The following RGSL1 variants were observed in gnomAD, a reference collection of about 807,000 sequenced individuals.
RGSL1 encodes regulator of G protein signaling like 1.
In RGSL1, 97 loss-of-function variants were observed where a neutral mutation model predicts 124.7. The observed-to-expected ratio is 0.78, with a 90% CI of 0.66 to 0.92. The LOEUF (loss-of-function observed/expected upper bound fraction) is 0.92, where lower values mean the gene tolerates loss of function less well. RGSL1 is among the 40% of genes least tolerant of loss of function. The pLI is 0.00. For synonymous variants in RGSL1, 424 were observed against 438.1 expected, an observed-to-expected ratio of 0.97 and a Z score of 0.40; for missense variants, 1,233 against 1,288.4, an observed-to-expected ratio of 0.96 and a Z score of 0.66.
At chr1:182,447,959 C>T (rs1651578485), upstream of RGSL1, 1 of 146,050 alleles carries the variant, frequency 6.8e-6, no homozygotes, top group Non-Finnish European at 1.5e-5. Context: ...GACCTAGAAG[C>T]TCTGAAATTT....
At chr1:182,501,303 TTTTC>T in intron 9 of RGSL1, among the ~76,000 whole-genome samples, 2 of 113,162 alleles carry the variant, frequency 1.8e-5, no homozygotes, top group Admixed American at 1.1e-4. Flanking sequence ...TTCTTTTTTC[TTTTC>T]TTTTTTTTTT....
chr1:182,449,971 G>T (rs1339109978), upstream of RGSL1: 21 of 639,048 alleles, frequency 3.3e-5, no homozygotes, highest in South Asian at 3.9e-4. Context: ...ATGTCCAAGG[G>T]GATTCAGCAG....
At chr1:182,507,028 T>C (rs503592) in intron 9 of RGSL1, among the ~76,000 whole-genome samples, 118,925 of 142,070 alleles carry the variant, frequency 0.84, 50,154 homozygotes, top group Non-Finnish European at 0.87. Flanking sequence ...TCACTTTTAT[T>C]GCCCAGGCTG....
At chr1:182,470,488 G>T (rs1383472372) in intron 4 of RGSL1, among the ~76,000 whole-genome samples, 1 of 152,026 alleles carries the variant, frequency 6.6e-6, no homozygotes, top group South Asian at 2.1e-4. Context: ...TACCCAGAAT[G>T]CTCTTTCCGT....
intron 6 of RGSL1, among the ~76,000 whole-genome samples, chr1:182,483,227 G>A (rs561482): frequency 0.078 from 11,905 of 151,698 alleles, 639 homozygotes; most frequent in East Asian, 0.25. Context: ...TTCACTGAGA[G>A]AATAGGTCTT....
rs1346326448 is a variant in RGSL1 at position 182,473,564 on chromosome 1, A to G, written c.464-11A>G. 2.6e-6 allele frequency: 4 copies of G among 1,517,452 alleles called. No homozygotes were observed. The East Asian group carries it at 7.4e-5, about 28-fold the overall frequency. 94.0% of individuals were successfully genotyped at this position (1,517,452 alleles called of 1,614,324 possible). On this transcript the variant is annotated splice_polypyrimidine_tract_variant and intron_variant, in intron 5 of 21. Coordinates refer to ENST00000294854, the MANE Select transcript of RGSL1 (RefSeq NM_001137669.2). ...TCATTTTCACCCATGATTTCTCTGT[A>G]TTATTTCCAGAGTCCCTCCTGAACC...
intron 2 of RGSL1, among the ~76,000 whole-genome samples, chr1:182,457,111 C>T (rs558747598): frequency 6.6e-6 from 1 of 152,238 alleles, no homozygotes; most frequent in South Asian, 2.1e-4. Flanking sequence ...CATTCCACTG[C>T]ACTCCAGCCC....
rs758846576 is a variant in RGSL1 at position 182,473,700 on chromosome 1, C to A, written c.589C>A (p.His197Asn). The A allele has an allele frequency of 2.6e-6, 4 of 1,551,680 alleles. No individual in the cohort carries two copies. The highest frequency in any genetic ancestry group is 2.4e-5 in the South Asian group (2 of 84,056). ...QSYWLPNFYT[H>N]TKMTMAKEEA... is the part of the protein sequence containing the mutation. ...CTATTGGCTTCCCAACTTTTACACC[C>A]ACACCAAGATGACCATGGCCAAGGA... Residue 197 changes from histidine to asparagine, a missense_variant, in exon 6 of 22, where the codon CAC (histidine) becomes AAC (asparagine). Transcript: ENST00000294854.
intron 15 of RGSL1, among the ~76,000 whole-genome samples, chr1:182,545,688 G>A (rs1433616334): frequency 6.6e-6 from 1 of 152,076 alleles, no homozygotes; most frequent in Non-Finnish European, 1.5e-5. Context: ...ACTCTTGGAT[G>A]GTGGGTTTTT....
At position 182,548,772 on chromosome 1, in the gene RGSL1, T is replaced by C; in HGVS notation, c.2881T>C (p.Phe961Leu). 2 of 1,551,666 alleles carry C rather than the reference T, an allele frequency of 1.3e-6. No homozygotes were observed. Among genetic ancestry groups the C allele is most frequent in the Non-Finnish European group, 1.7e-6 (2 of 1,146,970 alleles). ...AGAGGGCTACCTAGATCGGAGCGTC[T>C]TCCATGGGGCTATCATGTCTGTCTT... ...ITEGYLDRSV[F>L]HGAIMSVFPV... Residue 961 changes from phenylalanine (F) to leucine (L), a missense_variant, in exon 17 of 22, where the codon TTC (phenylalanine) becomes CTC (leucine). Physicochemically the swap from Phe to Leu is conservative, Grantham distance 22. Transcript: ENST00000294854.
intron 9 of RGSL1, among the ~76,000 whole-genome samples, chr1:182,504,448 C>G (rs1164139957): frequency 1.1e-5 from 1 of 91,130 alleles, no homozygotes; most frequent in Non-Finnish European, 2.4e-5. Flanking sequence ...TCCATTGGTT[C>G]TTTTTTCCTG....
intron 14 of RGSL1, among the ~76,000 whole-genome samples, chr1:182,537,342 G>A (rs528292199): frequency 4.7e-4 from 72 of 152,198 alleles, no homozygotes; most frequent in African/African-American, 8.2e-4. Flanking sequence ...AATAAATTTC[G>A]TGTTTAGATT....
rs1657852351 is a variant in RGSL1 at position 182,515,849 on chromosome 1, G to A, written c.1826-6155G>A. 2.6e-5 allele frequency among the ~76,000 whole-genome samples: 4 copies of A among 152,300 alleles called. No individual in the cohort carries two copies. The South Asian group carries it at 8.3e-4, about 32-fold the overall frequency. On this transcript the variant is annotated intron_variant, in intron 9 of 21. Coordinates refer to ENST00000294854, the MANE Select transcript of RGSL1 (RefSeq NM_001137669.2). Reference sequence around the variant, plus strand: ...AGGGGATAAGGAGAGGAGCCCCTGTGGCCATGGGGTGGGATTCAGGGTCGC... The same window carrying A: ...AGGGGATAAGGAGAGGAGCCCCTGTAGCCATGGGGTGGGATTCAGGGTCGC...
chr1:182,518,528 T>C (rs1326448549), intron 9 of RGSL1, among the ~76,000 whole-genome samples: 1 of 152,148 alleles, frequency 6.6e-6, no homozygotes, highest in Non-Finnish European at 1.5e-5. Context: ...GTAGCCCCAC[T>C]TACCCGCTTT....
At position 182,556,091 on chromosome 1, in the gene RGSL1, C is replaced by G. The variant is rs1660848022; in HGVS notation, c.*34C>G. ...GACCCCCAGCAGAGATAAATCATCT[C>G]TTAGAGGCCTCCTAACACTGACAGA... On this transcript the variant is annotated 3_prime_UTR_variant, in exon 21 of 22. Coordinates refer to ENST00000294854, the MANE Select transcript of RGSL1 (RefSeq NM_001137669.2). The G allele has an allele frequency of 3.9e-6, 6 of 1,540,580 alleles. No individual in the cohort carries two copies. Among genetic ancestry groups the G allele is most frequent in the Non-Finnish European group, 5.3e-6 (6 of 1,137,662 alleles).
At chr1:182,513,329 T>A (rs966699638) in intron 9 of RGSL1, among the ~76,000 whole-genome samples, 2 of 152,248 alleles carry the variant, frequency 1.3e-5, no homozygotes, top group African/African-American at 4.8e-5. Context: ...GAGGCTCTGG[T>A]TGCCTGACCA....
rs377412906 is a variant in RGSL1 at position 182,474,440 on chromosome 1, G to T, written c.1329G>T (p.Pro443=). Residue 443 remains proline (P), a synonymous_variant, in exon 6 of 22, where the codon CCG becomes CCT. Coordinates refer to ENST00000294854, the MANE Select transcript of RGSL1 (RefSeq NM_001137669.2). ...TCTACCTGAATGAGCAGATTGGTCC[G>T]TGCTTACCACTCAAATCCCAAACCA... The part of the protein sequence containing the change: ...CELYLNEQIG[P]CLPLKSQTIQ... The T allele has an allele frequency of 1.6e-5, 25 of 1,551,896 alleles. No individual in the cohort carries two copies. The highest frequency in any genetic ancestry group is 2.2e-5 in the Non-Finnish European group (25 of 1,147,044).
chr1:182,462,501 C>T (rs966007979), intron 4 of RGSL1, among the ~76,000 whole-genome samples: 1 of 151,688 alleles, frequency 6.6e-6, no homozygotes, highest in African/African-American at 2.4e-5. Context: ...TTATAACTGC[C>T]CTTTTTTGTT....
intron 2 of RGSL1, among the ~76,000 whole-genome samples, chr1:182,455,148 G>A (rs1454697038): frequency 1.3e-5 from 2 of 152,136 alleles, no homozygotes; most frequent in Non-Finnish European, 1.5e-5. Flanking sequence ...GGAGGCAGTG[G>A]GAGTACAGTA....
Sources: allele counts gnomAD v4.1 joint callset (sites outside exome capture counted in the v4.1 genomes callset), GRCh38; gene constraint gnomAD v4.1.1; transcripts MANE v1.5; gene names NCBI Gene and HGNC (gene_info 2026-07-23, HGNC 2026-07-21).